Variants in LRRIQ3 observed in about 807,000 individuals in gnomAD.
LRRIQ3 encodes the protein leucine-rich repeat and IQ domain-containing protein 3.
Under a neutral mutation model 59.3 loss-of-function variants are expected in LRRIQ3, and 75 were observed. That is an observed-to-expected ratio of 1.26 (90% CI 1.05 to 1.53). LRRIQ3 has a LOEUF of 1.53. Ranked by LOEUF, LRRIQ3 falls within the 40% of genes most tolerant of loss-of-function variation. LRRIQ3 has a pLI of 0.00. For missense variants in LRRIQ3, 831 were observed against 710.0 expected (o/e 1.17, Z -1.94); for synonymous variants, 250 against 231.3 (o/e 1.08, Z -0.73).
chr1:74,188,463 T>C (rs1056462024), intron 1 of LRRIQ3, among the ~76,000 whole-genome samples: 1 of 152,186 alleles, frequency 6.6e-6, no homozygotes, highest in African/African-American at 2.4e-5. Context: ...GGCTTCTTAG[T>C]TAATGAAATG....
At chr1:74,146,742 T>C (rs975815869) in intron 4 of LRRIQ3, among the ~76,000 whole-genome samples, 3 of 152,214 alleles carry the variant, frequency 2.0e-5, no homozygotes, top group African/African-American at 4.8e-5. Flanking sequence ...GGATTGTTTA[T>C]AGGATCAAAT....
chr1:74,198,029 G>A lies in LRRIQ3; in HGVS notation c.-34C>T. The A allele has an allele frequency of 1.4e-6, 1 of 708,294 alleles. No individual in the cohort carries two copies. The highest frequency in any genetic ancestry group is 2.9e-5 in the East Asian group (1 of 34,918). 43.9% of individuals were successfully genotyped at this position (708,294 alleles called of 1,614,324 possible). A position where few individuals can be genotyped will look rare whatever the true frequency, so the allele number is the denominator to read the frequency against. Reference sequence around the variant, plus strand: ...CTGGGCTGCAAGCCCTTATGAGTTGGAGACAAGTGGCCCAGCCCCAACACA... The same window carrying A: ...CTGGGCTGCAAGCCCTTATGAGTTGAAGACAAGTGGCCCAGCCCCAACACA... On this transcript the variant is annotated 5_prime_UTR_variant, in exon 1 of 8. Transcript: ENST00000354431.
intron 5 of LRRIQ3, chr1:74,108,890 A>G (rs1181724874): frequency 1.5e-5 from 6 of 403,012 alleles, no homozygotes; most frequent in Middle Eastern, 3.4e-4. Context: ...ATATCTATCT[A>G]TGGTGCTACA....
At chr1:74,128,967 C>A (rs1557629557) in intron 4 of LRRIQ3, among the ~76,000 whole-genome samples, 1 of 152,018 alleles carries the variant, frequency 6.6e-6, no homozygotes, top group Non-Finnish European at 1.5e-5. Context: ...GATAAACAGT[C>A]TCTCTCTGTG....
At chr1:74,094,324 G>C (rs1223264933) in intron 5 of LRRIQ3, among the ~76,000 whole-genome samples, 1 of 152,070 alleles carries the variant, frequency 6.6e-6, no homozygotes, top group Non-Finnish European at 1.5e-5. Context: ...AGGATGTTGA[G>C]ATGAGTTGAT....
chr1:74,124,516 C>T (rs186025983), intron 4 of LRRIQ3, among the ~76,000 whole-genome samples: 1 of 151,992 alleles, frequency 6.6e-6, no homozygotes, highest in East Asian at 1.9e-4. Context: ...GCTGCAAATC[C>T]ATTTTGATGT....
intron 2 of LRRIQ3, 122 bp downstream of exon 2, chr1:74,183,313 AT>A: frequency 1.2e-6 from 1 of 830,022 alleles, no homozygotes; most frequent in Admixed American, 2.8e-5. Context: ...TTATTGTTAA[AT>A]TTTTGTTTAT....
intron 4 of LRRIQ3, among the ~76,000 whole-genome samples, chr1:74,152,469 G>A (rs1376867177): frequency 6.6e-6 from 1 of 152,074 alleles, no homozygotes; most frequent in Non-Finnish European, 1.5e-5. Context: ...ATAGTAGTGT[G>A]TAGTAGTGAC....
chr1:74,129,183 T>C (rs1570166934), intron 4 of LRRIQ3, among the ~76,000 whole-genome samples: 2 of 152,070 alleles, frequency 1.3e-5, no homozygotes, highest in East Asian at 1.9e-4. Context: ...GCTTGTTTTC[T>C]TTTCTTCAGT....
At chr1:74,055,892 T>C (rs113175571) in intron 6 of LRRIQ3, among the ~76,000 whole-genome samples, 2,966 of 152,072 alleles carry the variant, frequency 0.02, 83 homozygotes, top group African/African-American at 0.068. Context: ...CGCCTGTAAT[T>C]CCAGCACTTT....
chr1:74,096,686 C>T (rs1421703029), intron 5 of LRRIQ3, among the ~76,000 whole-genome samples: 2 of 151,984 alleles, frequency 1.3e-5, no homozygotes, highest in Admixed American at 6.6e-5. Context: ...GTTTTATCTA[C>T]CTTTGGTCTT....
At chr1:74,139,058 A>G (rs868196306) in intron 4 of LRRIQ3, among the ~76,000 whole-genome samples, 18 of 147,710 alleles carry the variant, frequency 1.2e-4, no homozygotes, top group South Asian at 4.2e-4. Context: ...ATTTATGTGT[A>G]TATATATATA....
intron 4 of LRRIQ3, among the ~76,000 whole-genome samples, chr1:74,127,469 TTGTG>T (rs1646952737): frequency 6.6e-6 from 1 of 151,962 alleles, no homozygotes; most frequent in Admixed American, 6.6e-5. Flanking sequence ...TTCTTGGTTT[TTGTG>T]TGTGTATCTG....
At chr1:74,187,255 T>C (rs575378594) in intron 1 of LRRIQ3, among the ~76,000 whole-genome samples, 69 of 151,838 alleles carry the variant, frequency 4.5e-4, no homozygotes, top group Middle Eastern at 3.4e-3. Flanking sequence ...CAACTCACAA[T>C]TGCAAAGATA....
At chr1:74,067,311 A>G (rs1391010163) in intron 6 of LRRIQ3, among the ~76,000 whole-genome samples, 4 of 152,128 alleles carry the variant, frequency 2.6e-5, no homozygotes, top group Non-Finnish European at 5.9e-5. Flanking sequence ...GTGGAAGTAC[A>G]CACTCTGTGA....
chr1:74,090,469 T>G (rs1036498631), intron 5 of LRRIQ3, among the ~76,000 whole-genome samples: 1 of 152,004 alleles, frequency 6.6e-6, no homozygotes, highest in Admixed American at 6.6e-5. Flanking sequence ...GATTATCAGG[T>G]CAAAAGAAGA....
At chr1:74,128,931 G>A (rs558605584) in intron 4 of LRRIQ3, among the ~76,000 whole-genome samples, 4 of 151,970 alleles carry the variant, frequency 2.6e-5, no homozygotes, top group South Asian at 4.1e-4. Context: ...AAGCAAAAAC[G>A]CTTGTTCTCT....
chr1:74,183,645 C>G lies in LRRIQ3; in HGVS notation c.40G>C (p.Glu14Gln). 6 of 1,609,280 alleles carry G rather than the reference C, an allele frequency of 3.7e-6. No individual in the cohort carries two copies. Among genetic ancestry groups the G allele is most frequent in the Non-Finnish European group, 5.1e-6 (6 of 1,177,472 alleles). The change falls in exon 2 of 8, where the codon GAA becomes CAA. Residue 14 changes from glutamate (E) to glutamine (Q), a missense_variant. Coordinates refer to ENST00000354431, the MANE Select transcript of LRRIQ3 (RefSeq NM_001105659.2). ...TTTTCATTATAGTGACTCCATTCTTCATGACTGGTTAGCTCTTCTGTGACT... is the reference window on the plus strand; with the variant it reads ...TTTTCATTATAGTGACTCCATTCTTGATGACTGGTTAGCTCTTCTGTGACT... ...GTVTEELTSH[E>Q]EWSHYNENIR...
chr1:74,040,720 A>C (rs1226097754), intron 7 of LRRIQ3, among the ~76,000 whole-genome samples: 1 of 152,250 alleles, frequency 6.6e-6, no homozygotes. Context: ...TAAGGCAGAA[A>C]TCAGTGTTAT....
Sources: gnomAD v4.1 joint callset for allele counts (sites outside exome capture counted in the v4.1 genomes callset) on GRCh38, gnomAD v4.1.1 for gene constraint, MANE v1.5 for transcripts, NCBI Gene and HGNC (gene_info 2026-07-23, HGNC 2026-07-21) for gene names.